The following TMEM33 variants were observed in gnomAD, a reference collection of about 807,000 sequenced individuals.
The protein encoded by TMEM33 is transmembrane protein 33.
Under a neutral mutation model 29.7 loss-of-function variants are expected in TMEM33, and 16 were observed. The ratio of observed to expected loss-of-function variants is 0.54; its 90% CI spans 0.36 to 0.82. The LOEUF is 0.82. TMEM33 is among the 40% of genes least tolerant of loss of function. The pLI is 0.00. For synonymous variants in TMEM33, 112 were observed against 109.4 expected (o/e 1.02, Z -0.15); for missense variants, 252 against 295.3 (o/e 0.85, Z 1.08).
chr4:41,960,321 A>C lies in TMEM33; in HGVS notation c.*6122A>C, dbSNP rs1713420100. 6.6e-6 allele frequency: 1 copy of C among 152,194 alleles called. No individual in the cohort carries two copies. The highest frequency in any genetic ancestry group is 2.4e-5 in the African/African-American group (1 of 41,456). The allele number at this position is 152,194 out of a possible 1,614,324, so 9.4% of individuals were successfully genotyped here. A position where few individuals can be genotyped will look rare whatever the true frequency, so the allele number is the denominator to read the frequency against. On this transcript the variant is annotated 3_prime_UTR_variant, in exon 7 of 7. Transcript: ENST00000504986. ...CATATTTGTTTTGTGTTCTGCTTAAATCAGCAAGAATGATAAATTTGATGG... is the reference window on the plus strand; with the variant it reads ...CATATTTGTTTTGTGTTCTGCTTAACTCAGCAAGAATGATAAATTTGATGG...
At chr4:41,936,586 G>A (rs1712247198) in intron 1 of TMEM33, among the ~76,000 whole-genome samples, 1 of 152,078 alleles carries the variant, frequency 6.6e-6, no homozygotes, top group Non-Finnish European at 1.5e-5. Context: ...GCCGGTCGTG[G>A]AGGTGCGCTC....
chr4:41,960,586 A>C lies in TMEM33; in HGVS notation c.*6387A>C, dbSNP rs1362589893. The C allele has an allele frequency of 1.3e-5, 2 of 152,176 alleles. No homozygotes were observed. Among genetic ancestry groups the C allele is most frequent in the Admixed American group, 1.3e-4 (2 of 15,286 alleles). The allele number at this position is 152,176 out of a possible 1,614,324, so 9.4% of individuals were successfully genotyped here. A position where few individuals can be genotyped will look rare whatever the true frequency, so the allele number is the denominator to read the frequency against. ...CAGATACAAAAATGTTATCTTGCAAAAGAACTAAGAACATTTGTAGTTAGA... is the reference window on the plus strand; with the variant it reads ...CAGATACAAAAATGTTATCTTGCAACAGAACTAAGAACATTTGTAGTTAGA... On this transcript the variant is annotated 3_prime_UTR_variant, in exon 7 of 7. Transcript: ENST00000504986.
At position 41,954,223 on chromosome 4, in the gene TMEM33, A is replaced by T; in HGVS notation, c.*24A>T. 1 of 1,612,504 alleles carries T rather than the reference A, an allele frequency of 6.2e-7. No homozygotes were observed. Among genetic ancestry groups the T allele is most frequent in the Non-Finnish European group, 8.5e-7 (1 of 1,179,042 alleles). On this transcript the variant is annotated 3_prime_UTR_variant, in exon 7 of 7. Coordinates refer to ENST00000504986, the MANE Select transcript of TMEM33 (RefSeq NM_018126.3). ...AGTTTAACATCTAGTTAAGCTACAA[A>T]TATAGTATAAGCATTATTAGCAGCT... is the stretch of plus-strand genomic sequence containing the variant.
rs892153684 is a variant in TMEM33 at position 41,959,639 on chromosome 4, C to A, written c.*5440C>A. 2 of 152,136 alleles carry A rather than the reference C, an allele frequency of 1.3e-5. No individual in the cohort carries two copies. The highest frequency in any genetic ancestry group is 2.9e-5 in the Non-Finnish European group (2 of 68,000). The allele number at this position is 152,136 out of a possible 1,614,324, so 9.4% of individuals were successfully genotyped here. A position where few individuals can be genotyped will look rare whatever the true frequency, so the allele number is the denominator to read the frequency against. On this transcript the variant is annotated 3_prime_UTR_variant, in exon 7 of 7. Transcript: ENST00000504986. ...TTTCTTTGTTCATGACAGTTTAATTCCAAATATTTACTATTTTCTCTTGTA... is the reference window on the plus strand; with the variant it reads ...TTTCTTTGTTCATGACAGTTTAATTACAAATATTTACTATTTTCTCTTGTA...
rs190250346 is a variant in TMEM33, at chr4:41,937,922, G to C, written c.46-680G>C. ...CCACCGAAACTAGGGTAAGACTTGT[G>C]GGGGAACATGGAGGTGATAAAGAGA... On this transcript the variant is annotated intron_variant, in intron 1 of 6. Transcript: ENST00000504986. 3.0e-4 allele frequency among the ~76,000 whole-genome samples: 46 copies of C among 152,252 alleles called. 1 individual carries two copies. Among genetic ancestry groups the C allele is most frequent in the Non-Finnish European group, 5.3e-4 (36 of 68,004 alleles).
rs1712656531 is a variant in TMEM33, at chr4:41,943,797, A to G, written c.379A>G (p.Thr127Ala). 1 of 1,613,882 alleles carries G rather than the reference A, an allele frequency of 6.2e-7. No homozygotes were observed. Among genetic ancestry groups the G allele is most frequent in the Non-Finnish European group, 8.5e-7 (1 of 1,179,906 alleles). The part of the protein sequence containing the change: ...LFSLLHAATY[T>A]KKVLDARGSN... ...CTCTTTGCTTCATGCTGCCACATATACGAAAAAGGTCCTTGACGTAAGTAA... is the reference window on the plus strand; with the variant it reads ...CTCTTTGCTTCATGCTGCCACATATGCGAAAAAGGTCCTTGACGTAAGTAA... The change falls in exon 4 of 7, where the codon ACG (threonine) becomes GCG (alanine). Residue 127 changes from threonine to alanine, a missense_variant. Coordinates refer to ENST00000504986, the MANE Select transcript of TMEM33 (RefSeq NM_018126.3).
At chr4:41,935,576 A>T in intron 1 of TMEM33, 47 bp downstream of exon 1, 1 of 1,567,624 alleles carries the variant, frequency 6.4e-7, no homozygotes, top group Non-Finnish European at 8.7e-7. Context: ...AAGAGTTAGG[A>T]AGAAGCAGGA....
intron 5 of TMEM33, among the ~76,000 whole-genome samples, chr4:41,946,438 TC>T (rs1712792389): frequency 6.6e-6 from 1 of 152,226 alleles, no homozygotes; most frequent in Non-Finnish European, 1.5e-5. Context: ...GTTACTTCTT[TC>T]TATAGCAGTC....
intron 5 of TMEM33, among the ~76,000 whole-genome samples, chr4:41,947,966 A>C (rs754456423): frequency 6.6e-6 from 1 of 152,216 alleles, no homozygotes; most frequent in Non-Finnish European, 1.5e-5. Context: ...AGTTTGTTAC[A>C]TAATAGTCCA....
intron 3 of TMEM33, 57 bp from the exon 4 acceptor site, chr4:41,943,690 T>A: frequency 6.8e-7 from 1 of 1,473,840 alleles, no homozygotes; most frequent in Non-Finnish European, 9.5e-7. Context: ...TAATACATAG[T>A]CTGTTTTGCA....
rs1278928193 is a variant in TMEM33 at position 41,939,295 on chromosome 4, C to T, written c.240C>T (p.Ser80=). The change falls in exon 3 of 7, where the codon AGC becomes AGT. Residue 80 remains serine, a synonymous_variant. Coordinates refer to ENST00000504986, the MANE Select transcript of TMEM33 (RefSeq NM_018126.3). ...AAAGATTACCACACTTCCAGTTAAG[C>T]AGAGCATTCCTGGCCCAGGCTTTGT... The part of the protein sequence containing the change: ...LHQRLPHFQL[S]RAFLAQALLE... The T allele has an allele frequency of 6.2e-7, 1 of 1,613,748 alleles. No individual in the cohort carries two copies. Among genetic ancestry groups the T allele is most frequent in the African/African-American group, 1.3e-5 (1 of 74,916 alleles).
chr4:41,943,432 G>A (rs1201074030), intron 3 of TMEM33, among the ~76,000 whole-genome samples: 4 of 152,048 alleles, frequency 2.6e-5, no homozygotes, highest in African/African-American at 9.7e-5. Context: ...GGCTGAGGCA[G>A]GAGAATCACT....
At chr4:41,950,588 CTATT>C (rs1307532891) in intron 6 of TMEM33, among the ~76,000 whole-genome samples, 2 of 152,088 alleles carry the variant, frequency 1.3e-5, no homozygotes, top group African/African-American at 4.8e-5. Context: ...TTTTTATGCT[CTATT>C]AGACAATGTC....
At position 41,956,778 on chromosome 4, in the gene TMEM33, A is replaced by G. The variant is rs1392173992; in HGVS notation, c.*2579A>G. ...TTTCTTAAAGGAAGGTTTAATATAC[A>G]AAAAAAGGTAATCTTAAACTTACGA... On this transcript the variant is annotated 3_prime_UTR_variant, in exon 7 of 7. Transcript: ENST00000504986. The G allele has an allele frequency of 6.6e-6, 1 of 152,198 alleles. No homozygotes were observed. Among genetic ancestry groups the G allele is most frequent in the Non-Finnish European group, 1.5e-5 (1 of 68,008 alleles). 9.4% of individuals were successfully genotyped at this position (152,198 alleles called of 1,614,324 possible). A position where few individuals can be genotyped will look rare whatever the true frequency, so the allele number is the denominator to read the frequency against.
At chr4:41,938,815 G>A in intron 2 of TMEM33, 119 bp downstream of exon 2, 1 of 889,090 alleles carries the variant, frequency 1.1e-6, no homozygotes, top group Non-Finnish European at 1.8e-6. Flanking sequence ...TAAAATACAA[G>A]TTCCAGCCTT....
In TMEM33 at chr4:41,939,212, A is replaced by G. The variant is rs551431064; in HGVS notation, c.157A>G (p.Ser53Gly). Residue 53 changes from serine to glycine, a missense_variant, in exon 3 of 7, where the codon AGC (serine) becomes GGC (glycine). Ser to Gly is a moderately conservative substitution (Grantham distance 56, BLOSUM62 0). Coordinates refer to ENST00000504986, the MANE Select transcript of TMEM33 (RefSeq NM_018126.3). ...AATTTGCAGGTTGCATGAAGCAGCA[A>G]GCTTTTACCAACGTGCTTTGCTGGC... is the stretch of plus-strand genomic sequence containing the variant. Reference protein sequence around the residue: ...LPLLGLHEAASFYQRALLANA... With the variant: ...LPLLGLHEAAGFYQRALLANA... 7.5e-6 allele frequency: 12 copies of G among 1,598,508 alleles called. No homozygotes were observed. Among genetic ancestry groups the G allele is most frequent in the Non-Finnish European group, 1.0e-5 (12 of 1,175,164 alleles).
intron 1 of TMEM33, among the ~76,000 whole-genome samples, chr4:41,937,592 A>T (rs1712301563): frequency 1.3e-5 from 2 of 152,168 alleles, no homozygotes; most frequent in African/African-American, 4.8e-5. Context: ...TTTAGTGTAA[A>T]CACCAGCTAT....
chr4:41,941,761 G>A (rs1712551708), intron 3 of TMEM33, among the ~76,000 whole-genome samples: 1 of 152,172 alleles, frequency 6.6e-6, no homozygotes, highest in Non-Finnish European at 1.5e-5. Context: ...ATAAATAAAA[G>A]CGGGCCCAAA....
At chr4:41,954,032 TC>T in intron 6 of TMEM33, 37 bp from the exon 7 acceptor site, 4 of 1,608,704 alleles carry the variant, frequency 2.5e-6, no homozygotes, top group Non-Finnish European at 2.5e-6. Flanking sequence ...TATTGCTTTT[TC>T]CTTGTGTTTC....
Sources: gnomAD v4.1 joint callset for allele counts (sites outside exome capture counted in the v4.1 genomes callset) on GRCh38, gnomAD v4.1.1 for gene constraint, MANE v1.5 for transcripts, NCBI Gene and HGNC (gene_info 2026-07-23, HGNC 2026-07-21) for gene names.